BRD10: variants seen among roughly 807,000 people sequenced by gnomAD.
BRD10 encodes the protein uncharacterized bromodomain-containing protein 10.
At chr9:5,910,359 C>A in the BRD10 span, 3 of 152,146 alleles carry the variant, frequency 2.0e-5, no homozygotes, top group Non-Finnish European at 2.9e-5. Flanking sequence ...TTACACACAT[C>A]GAAAAAAACA....
the BRD10 span, among the ~76,000 whole-genome samples, chr9:5,966,754 A>G: frequency 6.6e-6 from 1 of 152,102 alleles, no homozygotes; most frequent in Admixed American, 6.6e-5. Flanking sequence ...CACCGTGCCC[A>G]GCCTAGAGAC....
the BRD10 span, chr9:5,968,396 A>G: frequency 1.4e-5 from 23 of 1,612,258 alleles, no homozygotes; most frequent in Non-Finnish European, 2.0e-5. Context: ...ATTTTCTATA[A>G]ACCTTATTTC....
the BRD10 span, among the ~76,000 whole-genome samples, chr9:5,957,228 A>G: frequency 6.6e-6 from 1 of 152,148 alleles, no homozygotes; most frequent in Non-Finnish European, 1.5e-5. Flanking sequence ...ACTCTACTGT[A>G]ATACTGGATA....
chr9:5,934,722 T>C, the BRD10 span, among the ~76,000 whole-genome samples: 1 of 152,098 alleles, frequency 6.6e-6, no homozygotes, highest in African/African-American at 2.4e-5. Context: ...AATGGATCCC[T>C]ACAAAAAGAA....
At chr9:5,888,026 A>C in the BRD10 span, among the ~76,000 whole-genome samples, 3 of 152,224 alleles carry the variant, frequency 2.0e-5, no homozygotes, top group Admixed American at 6.5e-5. Flanking sequence ...GCCTTTGTCC[A>C]TAGCTCACGA....
the BRD10 span, among the ~76,000 whole-genome samples, chr9:5,933,535 T>C: frequency 6.6e-6 from 1 of 152,236 alleles, no homozygotes; most frequent in Admixed American, 6.5e-5. Context: ...GGAGGTTTTA[T>C]AACCCCATAG....
At chr9:6,001,053 A>G in the BRD10 span, among the ~76,000 whole-genome samples, 1 of 152,142 alleles carries the variant, frequency 6.6e-6, no homozygotes, top group Non-Finnish European at 1.5e-5. Context: ...AGGTCCCCTA[A>G]GCATCACCAC....
At chr9:5,984,089 TATATTAC>T in the BRD10 span, among the ~76,000 whole-genome samples, 24 of 151,894 alleles carry the variant, frequency 1.6e-4, no homozygotes, top group Non-Finnish European at 5.9e-5. Flanking sequence ...TTGGCAGACC[TATATTAC>T]AAGAAATGCT....
the BRD10 span, among the ~76,000 whole-genome samples, chr9:5,939,401 A>G: frequency 1.3e-5 from 2 of 152,236 alleles, no homozygotes; most frequent in Non-Finnish European, 2.9e-5. Flanking sequence ...CTAAAACTGA[A>G]TAAAGAAAAT....
At chr9:5,970,309 A>G in the BRD10 span, among the ~76,000 whole-genome samples, 9 of 152,354 alleles carry the variant, frequency 5.9e-5, no homozygotes, top group South Asian at 1.9e-3. Flanking sequence ...AGAAAATGTC[A>G]GAATACAACA....
chr9:5,945,002 T>G, the BRD10 span: 1 of 956,862 alleles, frequency 1.0e-6, no homozygotes, highest in African/African-American at 1.7e-5. Context: ...ACACATAATA[T>G]AAAACACCCA....
the BRD10 span, among the ~76,000 whole-genome samples, chr9:5,990,472 T>C: frequency 6.6e-6 from 1 of 152,192 alleles, no homozygotes; most frequent in Non-Finnish European, 1.5e-5. Flanking sequence ...GCAAGTTATA[T>C]GGCTAAATTG....
At chr9:5,923,374 C>T in the BRD10 span, 4 of 1,231,468 alleles carry the variant, frequency 3.2e-6, no homozygotes, top group Non-Finnish European at 4.5e-6. Context: ...ATAACATCAA[C>T]TGTAAAAAAG....
the BRD10 span, among the ~76,000 whole-genome samples, chr9:5,977,821 C>T: frequency 7.2e-5 from 11 of 151,958 alleles, no homozygotes; most frequent in Middle Eastern, 3.4e-3. Context: ...GGCAACAGAG[C>T]GAGACTCCGT....
the BRD10 span, among the ~76,000 whole-genome samples, chr9:5,963,975 C>T: frequency 6.6e-6 from 1 of 151,864 alleles, no homozygotes; most frequent in South Asian, 2.1e-4. Flanking sequence ...TAGGCATGAC[C>T]ATTCAGGACA....
At chr9:5,911,739 C>T in the BRD10 span, among the ~76,000 whole-genome samples, 10 of 151,462 alleles carry the variant, frequency 6.6e-5, no homozygotes, top group Admixed American at 5.3e-4. Flanking sequence ...TTCACTATGT[C>T]GGCCAGGCTG....
At chr9:5,956,054 T>C in the BRD10 span, among the ~76,000 whole-genome samples, 1 of 152,088 alleles carries the variant, frequency 6.6e-6, no homozygotes, top group South Asian at 2.1e-4. Context: ...GAAGGTTTTA[T>C]AAAAACAGTA....
At chr9:6,007,189 G>A in the BRD10 span, 2 of 1,609,684 alleles carry the variant, frequency 1.2e-6, no homozygotes, top group Non-Finnish European at 1.7e-6. Flanking sequence ...GACCGGGCTC[G>A]CTTACCGAGA....
chr9:5,990,533 TAGATA>T, the BRD10 span, among the ~76,000 whole-genome samples: 1 of 152,190 alleles, frequency 6.6e-6, no homozygotes, highest in African/African-American at 2.4e-5. Flanking sequence ...GTTTTATAAG[TAGATA>T]AGATAAAGGT....
Sources: allele counts gnomAD v4.1 joint callset (sites outside exome capture counted in the v4.1 genomes callset), GRCh38; gene constraint gnomAD v4.1.1; transcripts MANE v1.5; gene names NCBI Gene and HGNC (gene_info 2026-07-23, HGNC 2026-07-21).